FGD5: variants seen among roughly 807,000 people sequenced by gnomAD.
The protein encoded by FGD5 is FYVE, RhoGEF and PH domain containing 5.
FGD5 carries 28 observed loss-of-function variants against 133.4 expected under a neutral mutation model. That is an observed-to-expected ratio of 0.21 (90% CI 0.16 to 0.29). The LOEUF is 0.29. Among genes scored for constraint, FGD5 ranks in the 10% least tolerant of loss-of-function variants. The probability of loss-of-function intolerance (pLI) is 1.00; values close to 1 mark genes in which losing one functional copy is unlikely to be tolerated. For synonymous variants in FGD5, 810 were observed against 776.5 expected (o/e 1.04, Z -0.72); for missense variants, 1,858 against 1,895.2 (o/e 0.98, Z 0.36).
At chr3:14,855,498 T>A (rs1483707706) in intron 1 of FGD5, among the ~76,000 whole-genome samples, 2 of 152,230 alleles carry the variant, frequency 1.3e-5, no homozygotes, top group East Asian at 3.8e-4. Flanking sequence ...TTCCCTTTTC[T>A]CCACATCCTT....
rs145057459 is a variant in FGD5, at chr3:14,904,238, G to A, written c.3264+3177G>A. Among the ~76,000 whole-genome samples, 138 of 152,266 alleles carry A rather than the reference G, an allele frequency of 9.1e-4. 1 individual carries two copies. The East Asian group carries it at 0.02, about 22-fold the overall frequency. Reference sequence around the variant, plus strand: ...GTTTGTGCAGCCCATTCTTAGGAGCGGGGGGTTATGCTCCCTCCTCTTGAG... The same window carrying A: ...GTTTGTGCAGCCCATTCTTAGGAGCAGGGGGTTATGCTCCCTCCTCTTGAG... On this transcript the variant is annotated intron_variant, in intron 9 of 19. Transcript: ENST00000285046.
At chr3:14,848,963 T>G (rs888316610) in intron 1 of FGD5, among the ~76,000 whole-genome samples, 3 of 152,194 alleles carry the variant, frequency 2.0e-5, no homozygotes, top group African/African-American at 7.2e-5. Flanking sequence ...CGTGGATTTA[T>G]AGGGTTTAGA....
chr3:14,838,414 A>G (rs1364066104), intron 1 of FGD5, among the ~76,000 whole-genome samples: 12 of 152,170 alleles, frequency 7.9e-5, no homozygotes, highest in Non-Finnish European at 1.5e-4. Flanking sequence ...GATGCAGAAT[A>G]TTTGTAGTTT....
intron 1 of FGD5, among the ~76,000 whole-genome samples, chr3:14,828,358 G>C (rs1222658957): frequency 1.3e-5 from 2 of 152,146 alleles, no homozygotes; most frequent in Non-Finnish European, 1.5e-5. Flanking sequence ...AGAAAGAGGA[G>C]AGAACGTACA....
intron 1 of FGD5, among the ~76,000 whole-genome samples, chr3:14,856,716 G>T (rs566591125): frequency 6.6e-5 from 10 of 151,868 alleles, no homozygotes; most frequent in Admixed American, 5.2e-4. Flanking sequence ...GAAATGCTAC[G>T]GATTTTTATA....
At chr3:14,933,092 AG>A (rs1208791876) in intron 19 of FGD5, 38 bp from the exon 20 acceptor site, 2 of 1,607,380 alleles carry the variant, frequency 1.2e-6, no homozygotes, top group Non-Finnish European at 1.7e-6. Flanking sequence ...TCATAGGCAG[AG>A]CCGCAAAACC....
intron 9 of FGD5, 148 bp downstream of exon 9, chr3:14,901,209 T>A (rs575491726): frequency 3.5e-5 from 29 of 833,238 alleles, no homozygotes; most frequent in Non-Finnish European, 7.9e-6. Flanking sequence ...GGGTTCTGGC[T>A]CTGACTCTTG....
intron 1 of FGD5, among the ~76,000 whole-genome samples, chr3:14,833,078 A>T (rs1034280034): frequency 2.0e-5 from 3 of 152,192 alleles, no homozygotes; most frequent in Admixed American, 6.5e-5. Flanking sequence ...TCGTTTCCTG[A>T]GAATGCCCCA....
chr3:14,919,061 T>A (rs2038620697), intron 13 of FGD5, among the ~76,000 whole-genome samples: 1 of 152,206 alleles, frequency 6.6e-6, no homozygotes, highest in African/African-American at 2.4e-5. Flanking sequence ...ATTTTATATA[T>A]AACTTCAGGG....
At chr3:14,849,827 T>C (rs6786822) in intron 1 of FGD5, among the ~76,000 whole-genome samples, 8,909 of 152,166 alleles carry the variant, frequency 0.059, 331 homozygotes, top group Middle Eastern at 0.092. Context: ...GAAGAAGCCA[T>C]AGAGCACCTG....
chr3:14,924,189 A>G, intron 17 of FGD5, 51 bp downstream of exon 17: 7 of 1,612,976 alleles, frequency 4.3e-6, no homozygotes, highest in Non-Finnish European at 5.9e-6. Context: ...TGGAAGGTTC[A>G]TGGTCATCCT....
At chr3:14,826,720 G>A (rs960987841) in intron 1 of FGD5, among the ~76,000 whole-genome samples, 3 of 152,202 alleles carry the variant, frequency 2.0e-5, no homozygotes, top group African/African-American at 7.2e-5. Flanking sequence ...GAACCTGGGA[G>A]GGAGAATCTC....
chr3:14,826,320 C>T (rs577038491), intron 1 of FGD5, among the ~76,000 whole-genome samples: 43 of 152,174 alleles, frequency 2.8e-4, no homozygotes, highest in African/African-American at 1.0e-3. Context: ...TTCTCCTCTG[C>T]CCCTCTCCCC....
At chr3:14,888,559 G>T (rs2037966773) in intron 4 of FGD5, among the ~76,000 whole-genome samples, 1 of 152,206 alleles carries the variant, frequency 6.6e-6, no homozygotes, top group Non-Finnish European at 1.5e-5. Context: ...ATATATTTCA[G>T]AGACTAATGT....
intron 1 of FGD5, among the ~76,000 whole-genome samples, chr3:14,847,937 C>G (rs1345674835): frequency 6.6e-6 from 1 of 152,180 alleles, no homozygotes; most frequent in African/African-American, 2.4e-5. Context: ...GGCTCCCCAG[C>G]TCTAGGAAAG....
At chr3:14,932,093 C>T (rs2038908418) in intron 18 of FGD5, 1 of 152,840 alleles carries the variant, frequency 6.5e-6, no homozygotes, top group Non-Finnish European at 1.5e-5. Context: ...TATGTTGAGA[C>T]AATATGTGAG....
At chr3:14,858,615 A>G (rs1389911473) in intron 1 of FGD5, among the ~76,000 whole-genome samples, 1 of 152,278 alleles carries the variant, frequency 6.6e-6, no homozygotes, top group East Asian at 1.9e-4. Flanking sequence ...CGTAATAGGA[A>G]TTTTTTTGAA....
intron 4 of FGD5, among the ~76,000 whole-genome samples, chr3:14,889,846 T>A (rs987533140): frequency 1.6e-4 from 24 of 152,150 alleles, no homozygotes; most frequent in African/African-American, 5.6e-4. Flanking sequence ...CGCTTTTGAA[T>A]GTTTCTTTTG....
intron 4 of FGD5, among the ~76,000 whole-genome samples, chr3:14,890,569 C>G (rs772194134): frequency 3.3e-5 from 5 of 152,128 alleles, no homozygotes; most frequent in African/African-American, 9.7e-5. Flanking sequence ...ACAGCAGAAC[C>G]CTTTCAGGGA....
Sources: gnomAD v4.1 joint callset for allele counts (sites outside exome capture counted in the v4.1 genomes callset) on GRCh38, gnomAD v4.1.1 for gene constraint, MANE v1.5 for transcripts, NCBI Gene and HGNC (gene_info 2026-07-23, HGNC 2026-07-21) for gene names.